The following ARB2A variants were observed in gnomAD, a reference collection of about 807,000 sequenced individuals.
The protein encoded by ARB2A is cotranscriptional regulator ARB2A.
the ARB2A span, among the ~76,000 whole-genome samples, chr5:93,695,327 T>TA: frequency 5.3e-5 from 8 of 151,920 alleles, no homozygotes; most frequent in African/African-American, 1.9e-4. Flanking sequence ...TATAAAAACT[T>TA]AAACAAATTT....
At chr5:94,094,127 A>T in the ARB2A span, among the ~76,000 whole-genome samples, 181 of 152,346 alleles carry the variant, frequency 1.2e-3, no homozygotes, top group African/African-American at 4.1e-3. Context: ...TCATGGTATT[A>T]CAATTTGTAT....
At chr5:93,776,146 A>G in the ARB2A span, 2 of 1,595,538 alleles carry the variant, frequency 1.3e-6, no homozygotes, top group East Asian at 2.2e-5. Context: ...TATATCTCTC[A>G]TCAAACACAT....
At chr5:93,959,173 T>C in the ARB2A span, among the ~76,000 whole-genome samples, 1 of 152,016 alleles carries the variant, frequency 6.6e-6, no homozygotes, top group African/African-American at 2.4e-5. Context: ...ATGATAGTAA[T>C]TTAAATATAA....
At chr5:93,937,807 C>T in the ARB2A span, among the ~76,000 whole-genome samples, 3 of 152,120 alleles carry the variant, frequency 2.0e-5, no homozygotes, top group Non-Finnish European at 2.9e-5. Context: ...CTACATACAT[C>T]CTTCTGTATA....
the ARB2A span, among the ~76,000 whole-genome samples, chr5:93,847,034 A>T: frequency 6.6e-6 from 1 of 152,216 alleles, no homozygotes; most frequent in Non-Finnish European, 1.5e-5. Flanking sequence ...AATTAAGTTT[A>T]CGTAATATTT....
chr5:93,851,608 G>A, the ARB2A span, among the ~76,000 whole-genome samples: 4 of 151,992 alleles, frequency 2.6e-5, no homozygotes, highest in East Asian at 3.9e-4. Flanking sequence ...CCCCGCTTCC[G>A]CCACCCCACA....
chr5:93,919,222 G>C, the ARB2A span, among the ~76,000 whole-genome samples: 1 of 151,938 alleles, frequency 6.6e-6, no homozygotes, highest in African/African-American at 2.4e-5. Flanking sequence ...CTTGAACTTA[G>C]GGTCTAATAT....
At chr5:94,014,088 T>C in the ARB2A span, among the ~76,000 whole-genome samples, 4 of 152,076 alleles carry the variant, frequency 2.6e-5, no homozygotes, top group Non-Finnish European at 5.9e-5. Flanking sequence ...GACATATCCC[T>C]GAGGATAGGT....
chr5:94,028,358 G>A, the ARB2A span, among the ~76,000 whole-genome samples: 2 of 152,184 alleles, frequency 1.3e-5, no homozygotes, highest in African/African-American at 4.8e-5. Context: ...AATACAGCCA[G>A]CAGCCCTGGT....
At chr5:94,042,861 C>T in the ARB2A span, among the ~76,000 whole-genome samples, 1 of 152,004 alleles carries the variant, frequency 6.6e-6, no homozygotes, top group Non-Finnish European at 1.5e-5. Context: ...GTTATTAGTA[C>T]ATATTACAAA....
the ARB2A span, among the ~76,000 whole-genome samples, chr5:93,847,035 C>T: frequency 4.6e-5 from 7 of 152,176 alleles, no homozygotes; most frequent in Non-Finnish European, 8.8e-5. Context: ...ATTAAGTTTA[C>T]GTAATATTTG....
the ARB2A span, among the ~76,000 whole-genome samples, chr5:94,023,494 C>A: frequency 2.0e-5 from 3 of 152,174 alleles, no homozygotes; most frequent in Non-Finnish European, 4.4e-5. Flanking sequence ...AATAATTACA[C>A]CAGATGCCTG....
chr5:93,694,836 C>CA, the ARB2A span, among the ~76,000 whole-genome samples: 1 of 152,266 alleles, frequency 6.6e-6, no homozygotes, highest in Non-Finnish European at 1.5e-5. Context: ...GGTACCAAAA[C>CA]AGATATATTG....
the ARB2A span, among the ~76,000 whole-genome samples, chr5:93,624,272 C>T: frequency 6.6e-6 from 1 of 152,130 alleles, no homozygotes; most frequent in African/African-American, 2.4e-5. Context: ...GTTTATTTAG[C>T]ACTAACCTTG....
chr5:93,884,021 T>G, the ARB2A span, among the ~76,000 whole-genome samples: 1 of 149,948 alleles, frequency 6.7e-6, no homozygotes, highest in Non-Finnish European at 1.5e-5. Flanking sequence ...AATCTTAAAA[T>G]TAGTAGAGAT....
At chr5:94,092,535 A>G in the ARB2A span, among the ~76,000 whole-genome samples, 2 of 151,784 alleles carry the variant, frequency 1.3e-5, no homozygotes, top group Non-Finnish European at 1.5e-5. Flanking sequence ...TGTGTCTTTC[A>G]TTTTTCTGTT....
the ARB2A span, chr5:93,734,822 T>C: frequency 2.0e-5 from 3 of 152,238 alleles, no homozygotes; most frequent in East Asian, 5.8e-4. Flanking sequence ...TTTTGCTTTT[T>C]TTTTTTGAGA....
chr5:93,900,673 GTATC>G, the ARB2A span, among the ~76,000 whole-genome samples: 1 of 149,744 alleles, frequency 6.7e-6, no homozygotes, highest in Non-Finnish European at 1.5e-5. Flanking sequence ...AAATGGTACA[GTATC>G]TAGTGGTTTT....
At chr5:93,766,233 C>A in the ARB2A span, among the ~76,000 whole-genome samples, 1 of 152,076 alleles carries the variant, frequency 6.6e-6, no homozygotes, top group African/African-American at 2.4e-5. Flanking sequence ...AAAGAAACTA[C>A]CATCAGAGTC....
Sources: gnomAD v4.1 joint callset for allele counts (sites outside exome capture counted in the v4.1 genomes callset) on GRCh38, gnomAD v4.1.1 for gene constraint, MANE v1.5 for transcripts, NCBI Gene and HGNC (gene_info 2026-07-23, HGNC 2026-07-21) for gene names.